Variants in AK5 observed in about 807,000 individuals in gnomAD.
AK5 encodes the protein adenylate kinase 5, also known as adenylate kinase isoenzyme 5.
A neutral mutation model predicts 69.5 loss-of-function variants in AK5; 27 were observed. That is an observed-to-expected ratio of 0.39 (90% CI 0.29 to 0.54). The LOEUF (loss-of-function observed/expected upper bound fraction) is 0.54, where lower values mean the gene tolerates loss of function less well. AK5 is among the 20% of genes least tolerant of loss of function. The pLI is 0.71. For synonymous variants in AK5, 260 were observed against 244.4 expected, an observed-to-expected ratio of 1.06 and a Z score of -0.60; for missense variants, 531 against 700.4, an observed-to-expected ratio of 0.76 and a Z score of 2.73.
chr1:77,411,142 T>C (rs41306633), intron 7 of AK5, 71 bp downstream of exon 7: 18,149 of 1,307,236 alleles, frequency 0.014, 195 homozygotes, highest in Non-Finnish European at 0.016. Context: ...TTTGTATTAA[T>C]GGTTGAAGTT....
intron 6 of AK5, among the ~76,000 whole-genome samples, chr1:77,398,822 T>C (rs1649002439): frequency 6.6e-6 from 1 of 152,186 alleles, no homozygotes; most frequent in African/African-American, 2.4e-5. Context: ...ATCAGTCTAA[T>C]ACCTAGAACA....
chr1:77,309,709 T>C (rs1253113873), intron 5 of AK5, among the ~76,000 whole-genome samples: 42 of 152,152 alleles, frequency 2.8e-4, no homozygotes, highest in Admixed American at 2.7e-3. Context: ...ATTCTTCAAA[T>C]TACTAGTGAA....
At chr1:77,340,126 T>A (rs1054865909) in intron 5 of AK5, among the ~76,000 whole-genome samples, 3 of 152,180 alleles carry the variant, frequency 2.0e-5, no homozygotes, top group African/African-American at 7.2e-5. Flanking sequence ...GGAAACTTAT[T>A]TGAGCATATA....
At chr1:77,458,671 A>G (rs1653646493) in intron 8 of AK5, among the ~76,000 whole-genome samples, 1 of 152,216 alleles carries the variant, frequency 6.6e-6, no homozygotes. Flanking sequence ...TGTGAGACTC[A>G]TTCACTATCA....
chr1:77,409,656 A>G (rs982129607), intron 6 of AK5, among the ~76,000 whole-genome samples: 2 of 152,144 alleles, frequency 1.3e-5, no homozygotes, highest in African/African-American at 4.8e-5. Context: ...TGTCAGATGC[A>G]TAGTTTGCAA....
intron 10 of AK5, among the ~76,000 whole-genome samples, chr1:77,496,937 AAT>A: frequency 6.6e-6 from 1 of 152,232 alleles, no homozygotes. Context: ...AAAATGGACC[AAT>A]CAGCAGGATG....
At chr1:77,474,269 A>C (rs1287166183) in intron 8 of AK5, among the ~76,000 whole-genome samples, 1 of 152,120 alleles carries the variant, frequency 6.6e-6, no homozygotes, top group African/African-American at 2.4e-5. Flanking sequence ...CTGTCACCTC[A>C]GGCCCCCATA....
intron 13 of AK5, among the ~76,000 whole-genome samples, chr1:77,541,743 G>T (rs1034828597): frequency 2.6e-5 from 4 of 152,060 alleles, no homozygotes; most frequent in Non-Finnish European, 4.4e-5. Context: ...CTCTAAGCTG[G>T]GTTTTTTTTC....
chr1:77,486,494 G>A lies in AK5; in HGVS notation c.1147+142G>A. The A allele has an allele frequency of 5.8e-6, 3 of 516,272 alleles. No homozygotes were observed. The South Asian group carries it at 6.1e-5, about 11-fold the overall frequency. The allele number at this position is 516,272 out of a possible 1,614,324, so 32.0% of individuals were successfully genotyped here. A position where few individuals can be genotyped will look rare whatever the true frequency, so the allele number is the denominator to read the frequency against. On this transcript the variant is annotated intron_variant, in intron 10 of 13. Coordinates refer to ENST00000354567, the MANE Select transcript of AK5 (RefSeq NM_174858.3). ...GCAGATCACGAGGTCAGGAGATCGA[G>A]ACCATCCTGGCTAACACAGTGAAAC...
At chr1:77,384,451 T>A (rs1030154688) in intron 6 of AK5, among the ~76,000 whole-genome samples, 3 of 152,164 alleles carry the variant, frequency 2.0e-5, no homozygotes, top group African/African-American at 7.2e-5. Flanking sequence ...ATATCCTTAC[T>A]GAAATGCTAC....
intron 10 of AK5, among the ~76,000 whole-genome samples, chr1:77,493,740 TCCAGGCCA>T (rs1656136436): frequency 6.6e-6 from 1 of 152,124 alleles, no homozygotes; most frequent in African/African-American, 2.4e-5. Flanking sequence ...ATTTTCAAAG[TCCAGGCCA>T]TTCAGGATGG....
chr1:77,410,850 C>T (rs1649995865), intron 6 of AK5, 131 bp from the exon 7 acceptor site: 3 of 684,228 alleles, frequency 4.4e-6, no homozygotes, highest in South Asian at 1.9e-5. Context: ...TGATTAAAGA[C>T]TCAAATGCTT....
At position 77,466,526 on chromosome 1, in the gene AK5, T is replaced by C. The variant is rs1455506795; in HGVS notation, c.1060-16791T>C. Among the ~76,000 whole-genome samples the C allele has an allele frequency of 3.3e-5, 5 of 152,258 alleles. No homozygotes were observed. The South Asian group carries it at 6.2e-4, about 19-fold the overall frequency. On this transcript the variant is annotated intron_variant, in intron 8 of 13. Transcript: ENST00000354567. The stretch of plus-strand genomic sequence containing the variant: ...CCCTCAAAGCTGAATAAAGACCTCA[T>C]TGATGTTAACAAGAGTCCAAAGCAG...
chr1:77,435,132 A>G (rs905189248), intron 8 of AK5, among the ~76,000 whole-genome samples: 2 of 152,204 alleles, frequency 1.3e-5, no homozygotes, highest in Non-Finnish European at 2.9e-5. Flanking sequence ...GCGAGTTATC[A>G]ACCTAGCCAA....
At chr1:77,465,518 C>T (rs545526083) in intron 8 of AK5, among the ~76,000 whole-genome samples, 3 of 152,268 alleles carry the variant, frequency 2.0e-5, no homozygotes, top group South Asian at 2.1e-4. Flanking sequence ...TTAACCGGGA[C>T]GTCTTATTCA....
At chr1:77,368,112 A>AT (rs1647033005) in intron 6 of AK5, among the ~76,000 whole-genome samples, 1 of 135,918 alleles carries the variant, frequency 7.4e-6, no homozygotes, top group South Asian at 2.2e-4. Flanking sequence ...TAAGGTATAT[A>AT]TAAGTTAAAA....
intron 8 of AK5, among the ~76,000 whole-genome samples, chr1:77,464,044 A>G (rs1459543104): frequency 6.6e-6 from 1 of 152,198 alleles, no homozygotes; most frequent in African/African-American, 2.4e-5. Context: ...AAAGTTGAAT[A>G]AAATACACAA....
intron 2 of AK5, among the ~76,000 whole-genome samples, chr1:77,287,472 T>G (rs1243423207): frequency 6.6e-6 from 1 of 152,254 alleles, no homozygotes; most frequent in Non-Finnish European, 1.5e-5. Context: ...GTATAATTGA[T>G]AGTTATTACA....
intron 5 of AK5, among the ~76,000 whole-genome samples, chr1:77,316,424 G>A (rs1010510407): frequency 9.2e-5 from 14 of 151,932 alleles, no homozygotes; most frequent in Admixed American, 8.5e-4. Context: ...TAAGTTCTGA[G>A]TTTGAGTGAG....
Sources: allele counts gnomAD v4.1 joint callset (sites outside exome capture counted in the v4.1 genomes callset), GRCh38; gene constraint gnomAD v4.1.1; transcripts MANE v1.5; gene names NCBI Gene and HGNC (gene_info 2026-07-23, HGNC 2026-07-21).